PTPRD: variants seen among roughly 807,000 people sequenced by gnomAD.
PTPRD encodes receptor-type tyrosine-protein phosphatase delta.
Under a neutral mutation model 214.5 loss-of-function variants are expected in PTPRD, and 34 were observed. The ratio of observed to expected loss-of-function variants is 0.16; its 90% CI spans 0.12 to 0.21. The LOEUF (loss-of-function observed/expected upper bound fraction) is 0.21. Among genes scored for constraint, PTPRD ranks in the 10% least tolerant of loss-of-function variants. The pLI, the probability that PTPRD is intolerant of heterozygous loss-of-function variation, is 1.00. For missense variants in PTPRD, 2,545 were observed against 2,398.7 expected, an observed-to-expected ratio of 1.06 and a Z score of -1.27; for synonymous variants, 1,128 against 845.7, an observed-to-expected ratio of 1.33 and a Z score of -5.79.
At chr9:9,190,737 G>T (rs1236105097) in intron 9 of PTPRD, among the ~76,000 whole-genome samples, 2 of 152,094 alleles carry the variant, frequency 1.3e-5, no homozygotes, top group Non-Finnish European at 2.9e-5. Context: ...TGTTACAGCA[G>T]CATAAAATGT....
At chr9:8,728,380 T>C (rs2098610639) in intron 12 of PTPRD, among the ~76,000 whole-genome samples, 1 of 152,244 alleles carries the variant, frequency 6.6e-6, no homozygotes, top group South Asian at 2.1e-4. Context: ...AGAATTTTTG[T>C]GCAGATGAGG....
chr9:8,871,651 G>T (rs1003213170), intron 11 of PTPRD, among the ~76,000 whole-genome samples: 6 of 152,094 alleles, frequency 3.9e-5, no homozygotes, highest in African/African-American at 1.4e-4. Flanking sequence ...AAGCTGACAT[G>T]ATCATAGCAG....
At chr9:10,505,830 G>T (rs1440141815) in intron 2 of PTPRD, among the ~76,000 whole-genome samples, 1 of 151,606 alleles carries the variant, frequency 6.6e-6, no homozygotes, top group Non-Finnish European at 1.5e-5. Flanking sequence ...ATTCATAACA[G>T]AATTATGTTT....
intron 36 of PTPRD, among the ~76,000 whole-genome samples, chr9:8,395,833 G>A (rs377180574): frequency 3.9e-5 from 6 of 151,966 alleles, no homozygotes; most frequent in Admixed American, 6.6e-5. Flanking sequence ...GAAAGTAGAC[G>A]GCTGATTGAA....
At chr9:9,197,859 A>G (rs996453396) in intron 9 of PTPRD, among the ~76,000 whole-genome samples, 1 of 151,974 alleles carries the variant, frequency 6.6e-6, no homozygotes, top group African/African-American at 2.4e-5. Flanking sequence ...CTTTTTCTTT[A>G]TGATAGCTCC....
chr9:9,090,814 C>A (rs145846086), intron 10 of PTPRD: 1 of 717,138 alleles, frequency 1.4e-6, no homozygotes, highest in Non-Finnish European at 2.5e-6. Flanking sequence ...CTCTTAATGA[C>A]ATCTCAATGA....
At position 10,263,370 on chromosome 9, in the gene PTPRD, C is replaced by T. The variant is rs144350165; in HGVS notation, c.-545+77593G>A. On this transcript the variant is annotated intron_variant, in intron 3 of 45. Coordinates refer to ENST00000381196, the MANE Select transcript of PTPRD (RefSeq NM_002839.4). ...GGGCTCAGAAGACAGGAAAATGTGG[C>T]GAAGTTTGGAATTTCCTAGAGACTT... Among the ~76,000 whole-genome samples the T allele has an allele frequency of 9.7e-4, 147 of 152,122 alleles. 2 individuals carry two copies. Among genetic ancestry groups the T allele is most frequent in the Non-Finnish European group, 6.2e-4 (42 of 68,004 alleles).
rs1592184791 is a variant in PTPRD, at chr9:9,583,328, C to T, written c.-286-8547G>A. On this transcript the variant is annotated intron_variant, in intron 7 of 45. Transcript: ENST00000381196. The stretch of plus-strand genomic sequence containing the variant: ...TTAATATTTTGACTCTTAGGCATTA[C>T]TACTCAGAAAAATGCCGCTCTAAAT... 7.2e-5 allele frequency among the ~76,000 whole-genome samples: 11 copies of T among 152,086 alleles called. 1 individual carries two copies. The South Asian group carries it at 2.3e-3, about 32-fold the overall frequency.
At chr9:8,544,324 C>T (rs551324736) in intron 14 of PTPRD, among the ~76,000 whole-genome samples, 45 of 151,512 alleles carry the variant, frequency 3.0e-4, no homozygotes, top group African/African-American at 7.3e-4. Flanking sequence ...CTCAGTAATC[C>T]GCCTGTATCG....
At chr9:9,910,681 G>C (rs527306259) in intron 5 of PTPRD, among the ~76,000 whole-genome samples, 1 of 151,912 alleles carries the variant, frequency 6.6e-6, no homozygotes, top group South Asian at 2.1e-4. Flanking sequence ...ATTATATATA[G>C]ATGTATTTGT....
chr9:10,571,242 A>C (rs945125949), intron 2 of PTPRD, among the ~76,000 whole-genome samples: 7 of 152,156 alleles, frequency 4.6e-5, no homozygotes, highest in African/African-American at 1.7e-4. Context: ...GTTTCAGTAG[A>C]TACGAAGAAA....
intron 3 of PTPRD, among the ~76,000 whole-genome samples, chr9:10,228,468 G>T (rs10121893): frequency 1.4e-4 from 22 of 151,942 alleles, no homozygotes; most frequent in Admixed American, 3.3e-4. Flanking sequence ...GCTTGTCATA[G>T]AACTCTAAGA....
chr9:9,409,453 A>C (rs570349678), intron 8 of PTPRD, among the ~76,000 whole-genome samples: 134 of 152,178 alleles, frequency 8.8e-4, no homozygotes, highest in African/African-American at 3.1e-3. Context: ...ACCACTTCAA[A>C]TATGCAGTAT....
chr9:9,775,271 C>G (rs1225587439), intron 5 of PTPRD, among the ~76,000 whole-genome samples: 1 of 152,114 alleles, frequency 6.6e-6, no homozygotes, highest in Non-Finnish European at 1.5e-5. Context: ...AGACATATCA[C>G]CATTAATACT....
intron 5 of PTPRD, among the ~76,000 whole-genome samples, chr9:9,775,233 G>A (rs1378261525): frequency 6.6e-6 from 1 of 152,018 alleles, no homozygotes; most frequent in South Asian, 2.1e-4. Flanking sequence ...ATCCATGAAG[G>A]TCACTTGTTT....
intron 2 of PTPRD, among the ~76,000 whole-genome samples, chr9:10,382,735 A>G (rs2097847859): frequency 6.6e-6 from 1 of 151,936 alleles, no homozygotes; most frequent in African/African-American, 2.4e-5. Context: ...ACCCTAAGAT[A>G]TCTATTTTTA....
chr9:8,533,161 C>G (rs2076134144), intron 14 of PTPRD, among the ~76,000 whole-genome samples: 1 of 152,074 alleles, frequency 6.6e-6, no homozygotes, highest in African/African-American at 2.4e-5. Flanking sequence ...TCCACTTTCA[C>G]AAACACTGAA....
intron 4 of PTPRD, among the ~76,000 whole-genome samples, chr9:9,955,690 A>AC (rs2093860338): frequency 6.6e-6 from 1 of 151,706 alleles, no homozygotes; most frequent in South Asian, 2.1e-4. Context: ...TGCCCGACTA[A>AC]TTTTTTGTAT....
intron 14 of PTPRD, among the ~76,000 whole-genome samples, chr9:8,600,018 A>G (rs532116569): frequency 6.6e-6 from 1 of 152,302 alleles, no homozygotes; most frequent in African/African-American, 2.4e-5. Context: ...GGTAGAAAAG[A>G]CAGTGGTGAA....
Sources: allele counts gnomAD v4.1 joint callset (sites outside exome capture counted in the v4.1 genomes callset), GRCh38; gene constraint gnomAD v4.1.1; transcripts MANE v1.5; gene names NCBI Gene and HGNC (gene_info 2026-07-23, HGNC 2026-07-21).